The following ZNF565 variants were observed in gnomAD, a reference collection of about 807,000 sequenced individuals.
ZNF565 encodes the protein zinc finger protein 565.
Under a neutral mutation model 39.4 loss-of-function variants are expected in ZNF565, and 27 were observed. The observed-to-expected ratio is 0.69, with a 90% CI of 0.51 to 0.95. ZNF565 has a LOEUF of 0.95. Ranked by LOEUF, ZNF565 falls within the 40% of genes least tolerant of loss-of-function variation. The probability of loss-of-function intolerance (pLI) is 0.00; values close to 1 mark genes in which losing one functional copy is unlikely to be tolerated. For missense variants in ZNF565, 524 were observed against 621.1 expected (o/e 0.84, Z 1.66); for synonymous variants, 185 against 216.6 (o/e 0.85, Z 1.28).
chr19:36,200,555 C>G (rs1975920983), intron 2 of ZNF565, among the ~76,000 whole-genome samples: 1 of 150,326 alleles, frequency 6.7e-6, no homozygotes, highest in Non-Finnish European at 1.5e-5. Flanking sequence ...GTGGCGTAAT[C>G]TCGGCTCACT....
chr19:36,209,651 T>C (rs1163835184), intron 1 of ZNF565, among the ~76,000 whole-genome samples: 2 of 152,122 alleles, frequency 1.3e-5, no homozygotes, highest in Non-Finnish European at 2.9e-5. Context: ...AATCATTAAA[T>C]TCAACCAGGA....
intron 1 of ZNF565, among the ~76,000 whole-genome samples, chr19:36,220,035 T>C (rs1324614261): frequency 1.3e-5 from 2 of 152,164 alleles, no homozygotes; most frequent in African/African-American, 4.8e-5. Flanking sequence ...CCCCTTCAGG[T>C]CATTCTTGTC....
chr19:36,210,522 T>C (rs2145364111), intron 1 of ZNF565, among the ~76,000 whole-genome samples: 1 of 152,084 alleles, frequency 6.6e-6, no homozygotes, highest in East Asian at 1.9e-4. Flanking sequence ...ACTCATGAAT[T>C]ATTTGTATAT....
intron 2 of ZNF565, among the ~76,000 whole-genome samples, chr19:36,199,920 C>T (rs928051921): frequency 6.6e-6 from 1 of 152,120 alleles, no homozygotes; most frequent in African/African-American, 2.4e-5. Context: ...CTCAGCCTCC[C>T]AAAGTGCTGA....
At chr19:36,184,101 AAACT>A (rs1395199027) in intron 4 of ZNF565, among the ~76,000 whole-genome samples, 12 of 149,502 alleles carry the variant, frequency 8.0e-5, no homozygotes, top group Admixed American at 1.3e-4. Flanking sequence ...AAAAAAAAAA[AAACT>A]ATAGTAGAAC....
chr19:36,229,773 G>A (rs1977243569), intron 1 of ZNF565, among the ~76,000 whole-genome samples: 1 of 152,186 alleles, frequency 6.6e-6, no homozygotes, highest in African/African-American at 2.4e-5. Context: ...AGGTGGCAGT[G>A]CAGTGGCACA....
At chr19:36,211,488 A>ACACACACACAC (rs1568423884) in intron 1 of ZNF565, among the ~76,000 whole-genome samples, 81 of 111,830 alleles carry the variant, frequency 7.2e-4, no homozygotes, top group African/African-American at 2.6e-3. Context: ...CACACACACA[A>ACACACACACAC]TTCTAATTAA....
chr19:36,233,339 C>T (rs1489751722), intron 1 of ZNF565, among the ~76,000 whole-genome samples: 1 of 152,128 alleles, frequency 6.6e-6, no homozygotes, highest in South Asian at 2.1e-4. Flanking sequence ...GAGATCGCAC[C>T]ACTGCACACC....
intron 4 of ZNF565, among the ~76,000 whole-genome samples, chr19:36,184,658 T>A (rs942946509): frequency 2.0e-5 from 3 of 152,074 alleles, no homozygotes; most frequent in African/African-American, 7.3e-5. Flanking sequence ...CAACCATTAC[T>A]GGCACAGAGC....
At chr19:36,185,457 C>T (rs1185781055) in intron 4 of ZNF565, among the ~76,000 whole-genome samples, 1 of 151,338 alleles carries the variant, frequency 6.6e-6, no homozygotes, top group Admixed American at 6.6e-5. Context: ...TGCCATGGCT[C>T]ACAGGGCTCT....
At chr19:36,194,879 G>A in intron 3 of ZNF565, 151 bp downstream of exon 3, 1 of 1,187,498 alleles carries the variant, frequency 8.4e-7, no homozygotes, top group Non-Finnish European at 1.2e-6. Context: ...AGCTATTGCT[G>A]GCCGGGCCTC....
chr19:36,237,283 A>G (rs1977677490), intron 1 of ZNF565: 1 of 1,613,584 alleles, frequency 6.2e-7, no homozygotes, highest in South Asian at 1.1e-5. Flanking sequence ...GCCAGAAGTC[A>G]CACCACATTA....
chr19:36,188,744 C>A (rs1327125646), intron 4 of ZNF565, among the ~76,000 whole-genome samples: 26 of 147,744 alleles, frequency 1.8e-4, no homozygotes, highest in Non-Finnish European at 3.0e-5. Context: ...ACAACAACAA[C>A]AAAAAACAGA....
At chr19:36,193,973 C>A (rs572918551) in intron 4 of ZNF565, among the ~76,000 whole-genome samples, 2 of 152,056 alleles carry the variant, frequency 1.3e-5, no homozygotes, top group South Asian at 4.2e-4. Context: ...AAAAAGTTGG[C>A]CACTGGGGAA....
At chr19:36,202,080 TA>T in intron 1 of ZNF565, 30 bp from the exon 2 acceptor site, 1 of 1,273,438 alleles carries the variant, frequency 7.9e-7, no homozygotes, top group East Asian at 2.3e-5. Flanking sequence ...GGAGATGGGG[TA>T]ACCTCTGATA....
chr19:36,204,161 G>A lies in ZNF565; in HGVS notation c.-65-2111C>T, dbSNP rs146722622. Among the ~76,000 whole-genome samples, 195 of 151,992 alleles carry A rather than the reference G, an allele frequency of 1.3e-3. 2 individuals carry two copies. Among genetic ancestry groups the A allele is most frequent in the Admixed American group, 0.012 (181 of 15,230 alleles). On this transcript the variant is annotated intron_variant, in intron 1 of 4. Coordinates refer to ENST00000304116, the MANE Select transcript of ZNF565 (RefSeq NM_152477.5). Reference sequence around the variant, plus strand: ...GATTGGGTTTTGCCATGTTGGCCAGGCTGGTCTTGAACTCCTGAGCTCAAC... The same window carrying A: ...GATTGGGTTTTGCCATGTTGGCCAGACTGGTCTTGAACTCCTGAGCTCAAC...
At chr19:36,191,170 G>A (rs1975525816) in intron 4 of ZNF565, among the ~76,000 whole-genome samples, 1 of 151,038 alleles carries the variant, frequency 6.6e-6, no homozygotes, top group African/African-American at 2.4e-5. Context: ...ACTGGTTATG[G>A]ACTGCATTTG....
intron 1 of ZNF565, among the ~76,000 whole-genome samples, chr19:36,228,174 A>AAAGAAAG (rs58268391): frequency 1.4e-5 from 2 of 144,226 alleles, no homozygotes; most frequent in African/African-American, 5.2e-5. Context: ...AAAAAAAAAA[A>AAAGAAAG]AAAGAAAGAA....
chr19:36,223,850 A>T (rs949833666), intron 1 of ZNF565, among the ~76,000 whole-genome samples: 1 of 137,736 alleles, frequency 7.3e-6, no homozygotes, highest in African/African-American at 3.3e-5. Context: ...CGCTAATTTA[A>T]AAAAAAAAAA....
Sources: allele counts gnomAD v4.1 joint callset (sites outside exome capture counted in the v4.1 genomes callset), GRCh38; gene constraint gnomAD v4.1.1; transcripts MANE v1.5; gene names NCBI Gene and HGNC (gene_info 2026-07-23, HGNC 2026-07-21).